The following ROBO2 variants were observed in gnomAD, a reference collection of about 807,000 sequenced individuals.
ROBO2 encodes roundabout guidance receptor 2, also known as roundabout homolog 2.
In ROBO2, 53 loss-of-function variants were observed where a neutral mutation model predicts 160.8. The ratio of observed to expected loss-of-function variants is 0.33; its 90% confidence interval spans 0.26 to 0.41. ROBO2 has a LOEUF of 0.41. Among genes scored for constraint, ROBO2 ranks in the 10% least tolerant of loss-of-function variants. The pLI is 1.00. For missense variants in ROBO2, 1,577 were observed against 1,722.4 expected, an observed-to-expected ratio of 0.92 and a Z score of 1.49; for synonymous variants, 664 against 611.7, an observed-to-expected ratio of 1.09 and a Z score of -1.26.
chr3:76,593,781 A>G lies in ROBO2; in HGVS notation c.110-504233A>G, dbSNP rs569350139. On this transcript the variant is annotated intron_variant, in intron 2 of 26. Coordinates refer to the ROBO2 transcript ENST00000487694. ...CTTCTTTAATTGTTCTTGTATTTAT[A>G]GCAGCTTCATGTTTATTTATTATAT... is the stretch of plus-strand genomic sequence containing the variant. Among the ~76,000 whole-genome samples, 3 of 152,112 alleles carry G rather than the reference A, an allele frequency of 2.0e-5. No individual in the cohort carries two copies. The East Asian group carries it at 5.8e-4, about 29-fold the overall frequency.
At chr3:76,038,367 A>G (rs1467349446) in intron 2 of ROBO2, among the ~76,000 whole-genome samples, 4 of 151,996 alleles carry the variant, frequency 2.6e-5, no homozygotes, top group Non-Finnish European at 5.9e-5. Flanking sequence ...GTAGGAAAGT[A>G]GGATCTGGTA....
chr3:77,393,590 A>G lies in ROBO2; in HGVS notation c.389-83824A>G, dbSNP rs1406978557. ...TATAGTATAATTATAATATATAGTAATATATAATATATTTATACTGAACAT... is the reference window on the plus strand; with the variant it reads ...TATAGTATAATTATAATATATAGTAGTATATAATATATTTATACTGAACAT... On this transcript the variant is annotated intron_variant, in intron 2 of 25. Transcript: ENST00000461745. Among the ~76,000 whole-genome samples, 4 of 148,704 alleles carry G rather than the reference A, an allele frequency of 2.7e-5. No individual in the cohort carries two copies. The Admixed American group carries it at 2.7e-4, about 10-fold the overall frequency.
At chr3:76,486,319 A>G (rs1043523673) in intron 2 of ROBO2, among the ~76,000 whole-genome samples, 1 of 152,248 alleles carries the variant, frequency 6.6e-6, no homozygotes, top group East Asian at 1.9e-4. Context: ...GAGTGATTCT[A>G]TACGATTAAC....
chr3:76,256,244 G>A (rs1184118764), intron 2 of ROBO2, among the ~76,000 whole-genome samples: 1 of 150,970 alleles, frequency 6.6e-6, no homozygotes, highest in East Asian at 2.0e-4. Context: ...CAGGAAGTCA[G>A]GGATGCAGTG....
intron 2 of ROBO2, among the ~76,000 whole-genome samples, chr3:76,217,582 C>G (rs996904573): frequency 1.3e-5 from 2 of 152,166 alleles, no homozygotes; most frequent in East Asian, 1.9e-4. Flanking sequence ...ATAAATTCCT[C>G]GAAACATACA....
At chr3:76,635,269 G>T (rs2090266358) in intron 2 of ROBO2, among the ~76,000 whole-genome samples, 1 of 152,104 alleles carries the variant, frequency 6.6e-6, no homozygotes, top group African/African-American at 2.4e-5. Flanking sequence ...CCCTAATTCT[G>T]TGAATTATGC....
chr3:77,439,185 A>G (rs1581951135), intron 2 of ROBO2, among the ~76,000 whole-genome samples: 1 of 152,200 alleles, frequency 6.6e-6, no homozygotes, highest in East Asian at 1.9e-4. Context: ...ACTATTATCC[A>G]TTGTCCCTTA....
intron 2 of ROBO2, among the ~76,000 whole-genome samples, chr3:76,864,250 T>C (rs1387794038): frequency 6.6e-6 from 1 of 152,122 alleles, no homozygotes. Context: ...CTATTGTTTT[T>C]ACACAATTAA....
At chr3:76,139,881 T>A (rs1190139762) in intron 2 of ROBO2, among the ~76,000 whole-genome samples, 1 of 152,020 alleles carries the variant, frequency 6.6e-6, no homozygotes, top group Admixed American at 6.6e-5. Flanking sequence ...CTTCCAAGCG[T>A]CAGCTGGATG....
At chr3:77,404,386 A>G (rs1294312224) in intron 2 of ROBO2, among the ~76,000 whole-genome samples, 1 of 152,168 alleles carries the variant, frequency 6.6e-6, no homozygotes, top group African/African-American at 2.4e-5. Context: ...TTGTTGGACA[A>G]CTAGCTCAGA....
chr3:76,990,830 T>G (rs2060624885), intron 2 of ROBO2, among the ~76,000 whole-genome samples: 2 of 152,196 alleles, frequency 1.3e-5, no homozygotes, highest in Non-Finnish European at 1.5e-5. Flanking sequence ...TATGTGACCT[T>G]CTAGGGACAT....
chr3:76,194,764 C>T lies in ROBO2; in HGVS notation c.109+257162C>T, dbSNP rs144892718. 1.1e-4 allele frequency among the ~76,000 whole-genome samples: 16 copies of T among 152,106 alleles called. No homozygotes were observed. The East Asian group carries it at 1.6e-3, about 15-fold the overall frequency. Reference sequence around the variant, plus strand: ...CCTCCTGAGTAGCTGGGACTACAGGCGCCCGCCACCACGCCCAGCTAACTT... The same window carrying T: ...CCTCCTGAGTAGCTGGGACTACAGGTGCCCGCCACCACGCCCAGCTAACTT... On this transcript the variant is annotated intron_variant, in intron 2 of 26. Transcript: ENST00000487694.
chr3:76,284,605 T>C (rs1159501703), intron 2 of ROBO2, among the ~76,000 whole-genome samples: 1 of 152,134 alleles, frequency 6.6e-6, no homozygotes, highest in African/African-American at 2.4e-5. Context: ...TCTGATTTCA[T>C]ACTATTTTTC....
At chr3:76,959,668 C>G (rs188793578) in intron 2 of ROBO2, among the ~76,000 whole-genome samples, 4 of 152,224 alleles carry the variant, frequency 2.6e-5, no homozygotes, top group Non-Finnish European at 2.9e-5. Flanking sequence ...TGAACTTACA[C>G]TTTTTTATGT....
At chr3:76,890,277 GA>G (rs1168870581) in intron 2 of ROBO2, among the ~76,000 whole-genome samples, 2 of 152,104 alleles carry the variant, frequency 1.3e-5, no homozygotes, top group Non-Finnish European at 2.9e-5. Context: ...TTCATTTACT[GA>G]GAATAGGAAA....
chr3:76,257,206 T>A (rs899717665), intron 2 of ROBO2, among the ~76,000 whole-genome samples: 3 of 152,130 alleles, frequency 2.0e-5, no homozygotes, highest in Admixed American at 6.6e-5. Context: ...TGAAACTGTA[T>A]CAGTTTGTTA....
intron 2 of ROBO2, among the ~76,000 whole-genome samples, chr3:76,192,801 T>C (rs192478574): frequency 4.6e-5 from 7 of 152,248 alleles, no homozygotes; most frequent in Admixed American, 3.3e-4. Flanking sequence ...AATCTGTCTA[T>C]TTCATCTCTC....
At chr3:76,351,172 A>G (rs1001166176) in intron 2 of ROBO2, among the ~76,000 whole-genome samples, 3 of 151,978 alleles carry the variant, frequency 2.0e-5, no homozygotes, top group South Asian at 2.1e-4. Flanking sequence ...TGAACCACAG[A>G]AAGTTTATCA....
At chr3:76,234,503 G>C (rs1011447236) in intron 2 of ROBO2, among the ~76,000 whole-genome samples, 2 of 152,126 alleles carry the variant, frequency 1.3e-5, no homozygotes, top group Non-Finnish European at 2.9e-5. Context: ...TTCACCAGCA[G>C]CGTAAAAGTG....
Sources: allele counts gnomAD v4.1 joint callset (sites outside exome capture counted in the v4.1 genomes callset), GRCh38; gene constraint gnomAD v4.1.1; transcripts MANE v1.5; gene names NCBI Gene and HGNC (gene_info 2026-07-23, HGNC 2026-07-21).